RASAL2: variants seen among roughly 807,000 people sequenced by gnomAD.
The protein encoded by RASAL2 is RAS protein activator like 2.
In RASAL2, 58 loss-of-function variants were observed where a neutral mutation model predicts 128.9. The observed-to-expected ratio is 0.45, with a 90% confidence interval of 0.36 to 0.56. RASAL2 has a LOEUF of 0.56. Ranked by LOEUF, RASAL2 falls within the 20% of genes least tolerant of loss-of-function variation. The pLI, the probability that RASAL2 is intolerant of heterozygous loss-of-function variation, is 0.00. For synonymous variants in RASAL2, 561 were observed against 580.8 expected, an observed-to-expected ratio of 0.97 and a Z score of 0.49; for missense variants, 1,360 against 1,601.6, an observed-to-expected ratio of 0.85 and a Z score of 2.57.
rs142893249 is a variant in RASAL2 at position 178,460,708 on chromosome 1, A to G, written c.3252+2164A>G. On this transcript the variant is annotated intron_variant, in intron 14 of 17. Coordinates refer to ENST00000367649, the MANE Select transcript of RASAL2 (RefSeq NM_170692.4). Reference sequence around the variant, plus strand: ...CTTTTGCTGGTACTGCCACTGTCCTATCAGTTGAAGCATAAATCACCGTAT... The same window carrying G: ...CTTTTGCTGGTACTGCCACTGTCCTGTCAGTTGAAGCATAAATCACCGTAT... 4.7e-3 allele frequency among the ~76,000 whole-genome samples: 709 copies of G among 152,206 alleles called. 9 individuals carry two copies. The highest frequency in any genetic ancestry group is 0.023 in the South Asian group (113 of 4,822).
chr1:178,172,055 G>C (rs891517579), intron 1 of RASAL2, among the ~76,000 whole-genome samples: 7 of 151,376 alleles, frequency 4.6e-5, no homozygotes, highest in Admixed American at 4.6e-4. Context: ...TTCAAACCTT[G>C]GGCCAGGACA....
In RASAL2 at chr1:178,456,762, T is replaced by C. The variant is rs1677804843; in HGVS notation, c.2253T>C (p.Ala751=). 1 of 1,614,056 alleles carries C rather than the reference T, an allele frequency of 6.2e-7. No individual in the cohort carries two copies. The highest frequency in any genetic ancestry group is 1.3e-5 in the African/African-American group (1 of 74,916). ...AKLGPLPRVL[A]DITKSLTNPT... Reference sequence around the variant, plus strand: ...TGGGGCCTCTCCCTCGTGTTCTTGCTGATATTACCAAGTCATTGACTAATC... The same window carrying C: ...TGGGGCCTCTCCCTCGTGTTCTTGCCGATATTACCAAGTCATTGACTAATC... The change falls in exon 13 of 18, where the codon GCT becomes GCC. Residue 751 remains alanine, a synonymous_variant. Coordinates refer to ENST00000367649, the MANE Select transcript of RASAL2 (RefSeq NM_170692.4).
intron 3 of RASAL2, among the ~76,000 whole-genome samples, chr1:178,351,010 AGAT>A (rs1670445581): frequency 6.6e-6 from 1 of 152,180 alleles, no homozygotes; most frequent in South Asian, 2.1e-4. Context: ...AGGCAAAACG[AGAT>A]CAGGCTTCTT....
chr1:178,257,447 G>A (rs2102114092), intron 1 of RASAL2, among the ~76,000 whole-genome samples: 1 of 152,072 alleles, frequency 6.6e-6, no homozygotes, highest in East Asian at 1.9e-4. Flanking sequence ...GTGTGTGTGT[G>A]TGTGTGTGTA....
At chr1:178,204,504 C>T (rs1338374041) in intron 1 of RASAL2, among the ~76,000 whole-genome samples, 1 of 152,170 alleles carries the variant, frequency 6.6e-6, no homozygotes, top group East Asian at 1.9e-4. Flanking sequence ...CCATACCCTT[C>T]TTAGGCAGCT....
chr1:178,436,422 A>T (rs1419608319), intron 5 of RASAL2, among the ~76,000 whole-genome samples: 2 of 152,102 alleles, frequency 1.3e-5, no homozygotes, highest in Non-Finnish European at 2.9e-5. Context: ...AAATTCTCTT[A>T]TGGCTACATT....
At chr1:178,419,235 T>C (rs1674975143) in intron 4 of RASAL2, among the ~76,000 whole-genome samples, 2 of 152,278 alleles carry the variant, frequency 1.3e-5, no homozygotes, top group Non-Finnish European at 2.9e-5. Context: ...AAAATATTTT[T>C]CTTTGAATTA....
At chr1:178,389,998 A>G in intron 3 of RASAL2, 102 bp from the exon 4 acceptor site, 1 of 723,318 alleles carries the variant, frequency 1.4e-6, no homozygotes, top group Non-Finnish European at 2.4e-6. Flanking sequence ...ATACCTTTAA[A>G]GCATGCTGGT....
intron 3 of RASAL2, among the ~76,000 whole-genome samples, chr1:178,372,878 G>T (rs1671792182): frequency 6.6e-6 from 1 of 152,062 alleles, no homozygotes; most frequent in Admixed American, 6.6e-5. Context: ...TAAAGCAATT[G>T]TTTATCTTGT....
chr1:178,276,721 C>T (rs1666533378), intron 1 of RASAL2, among the ~76,000 whole-genome samples: 1 of 152,050 alleles, frequency 6.6e-6, no homozygotes, highest in Non-Finnish European at 1.5e-5. Flanking sequence ...CACGTAACAA[C>T]TCTAACATTA....
At chr1:178,263,010 C>T (rs1257092556) in intron 1 of RASAL2, among the ~76,000 whole-genome samples, 1 of 152,002 alleles carries the variant, frequency 6.6e-6, no homozygotes, top group Non-Finnish European at 1.5e-5. Context: ...TTTGGCACAG[C>T]AATATAACTA....
intron 5 of RASAL2, among the ~76,000 whole-genome samples, chr1:178,420,949 T>C (rs576518939): frequency 2.2e-4 from 34 of 152,320 alleles, no homozygotes; most frequent in Non-Finnish European, 3.7e-4. Context: ...ATAATGATTA[T>C]GATAGCTAAA....
intron 1 of RASAL2, among the ~76,000 whole-genome samples, chr1:178,099,074 G>A (rs547219879): frequency 5.3e-4 from 81 of 152,228 alleles, no homozygotes; most frequent in African/African-American, 1.9e-3. Context: ...TAAAAGTTAC[G>A]TTTCTAGAGG....
chr1:178,446,553 C>G (rs1257969056), intron 9 of RASAL2, among the ~76,000 whole-genome samples: 1 of 151,920 alleles, frequency 6.6e-6, no homozygotes, highest in African/African-American at 2.4e-5. Flanking sequence ...CTTTTTTATT[C>G]TTTTTGAAAA....
chr1:178,383,300 G>C (rs756905458), intron 3 of RASAL2, among the ~76,000 whole-genome samples: 68 of 152,286 alleles, frequency 4.5e-4, no homozygotes, highest in Non-Finnish European at 8.7e-4. Context: ...AAGTGGCTCT[G>C]GGGATTTGTA....
chr1:178,351,505 G>T (rs183158669), intron 3 of RASAL2, among the ~76,000 whole-genome samples: 19 of 152,254 alleles, frequency 1.2e-4, no homozygotes, highest in African/African-American at 4.6e-4. Context: ...GCCAAGGTGG[G>T]CGGATCACGA....
At chr1:178,388,298 A>G (rs1196453154) in intron 3 of RASAL2, among the ~76,000 whole-genome samples, 3 of 152,162 alleles carry the variant, frequency 2.0e-5, no homozygotes, top group Non-Finnish European at 2.9e-5. Flanking sequence ...TTTCTGTTCA[A>G]TGTGCTCCAA....
intron 1 of RASAL2, among the ~76,000 whole-genome samples, chr1:178,175,465 T>TGTGTGTGA (rs1661851747): frequency 6.6e-6 from 1 of 151,840 alleles, no homozygotes; most frequent in African/African-American, 2.4e-5. Flanking sequence ...TGTGTGTGTG[T>TGTGTGTGA]GTGTGTGATA....
chr1:178,103,598 TAA>T (rs1480739365), intron 1 of RASAL2, among the ~76,000 whole-genome samples: 1 of 152,140 alleles, frequency 6.6e-6, no homozygotes, highest in African/African-American at 2.4e-5. Flanking sequence ...TCTTTTACAT[TAA>T]GTGTGATTGA....
Sources: gnomAD v4.1 joint callset for allele counts (sites outside exome capture counted in the v4.1 genomes callset) on GRCh38, gnomAD v4.1.1 for gene constraint, MANE v1.5 for transcripts, NCBI Gene and HGNC (gene_info 2026-07-23, HGNC 2026-07-21) for gene names.